Variants in CDH3 observed in about 807,000 individuals in gnomAD.
The protein encoded by CDH3 is cadherin 3.
In CDH3, 54 loss-of-function variants were observed where a neutral mutation model predicts 82.0. That is an observed-to-expected ratio of 0.66 (90% CI 0.53 to 0.83). The LOEUF is 0.83. Among genes scored for constraint, CDH3 ranks in the 40% least tolerant of loss-of-function variants. CDH3 has a pLI of 0.00. For synonymous variants in CDH3, 446 were observed against 437.9 expected, an observed-to-expected ratio of 1.02 and a Z score of -0.23; for missense variants, 1,054 against 1,084.6, an observed-to-expected ratio of 0.97 and a Z score of 0.40.
intron 9 of CDH3, 148 bp from the exon 10 acceptor site, chr16:68,684,435 G>C: frequency 1.1e-6 from 1 of 903,068 alleles, no homozygotes; most frequent in Admixed American, 1.7e-5. Flanking sequence ...ACACGGGAGT[G>C]TTTATGTTAC....
At chr16:68,682,875 A>G (rs1334223383) in intron 9 of CDH3, among the ~76,000 whole-genome samples, 1 of 152,016 alleles carries the variant, frequency 6.6e-6, no homozygotes, top group African/African-American at 2.4e-5. Context: ...ACTGAGGCAC[A>G]CTCTTGCCTC....
At position 68,695,492 on chromosome 16, in the gene CDH3, G is replaced by T. The variant is rs1597820514; in HGVS notation, c.2133+107G>T. The T allele has an allele frequency of 2.7e-6, 3 of 1,127,242 alleles. No homozygotes were observed. In the East Asian group the frequency reaches 7.7e-5, roughly 29 times the overall value. The allele number at this position is 1,127,242 out of a possible 1,614,324, so 69.8% of individuals were successfully genotyped here. ...AGTTAGCTGTGTTGACCAGGCCCTGGCATGAAGCATGCGTCTTCCTTTTCT... is the reference window on the plus strand; with the variant it reads ...AGTTAGCTGTGTTGACCAGGCCCTGTCATGAAGCATGCGTCTTCCTTTTCT... On this transcript the variant is annotated intron_variant, in intron 14 of 15. Transcript: ENST00000264012.
downstream of CDH3, among the ~76,000 whole-genome samples, chr16:68,731,113 A>G (rs949648947): frequency 1.4e-4 from 18 of 129,844 alleles, no homozygotes; most frequent in African/African-American, 5.1e-4. Flanking sequence ...AAATACATAT[A>G]TAATTATAAA....
In CDH3 at chr16:68,698,432, TC is replaced by T; in HGVS notation, c.*33del. 1.3e-6 allele frequency: 2 copies of T among 1,598,204 alleles called. No homozygotes were observed. Among genetic ancestry groups the T allele is most frequent in the Non-Finnish European group, 1.7e-6 (2 of 1,166,596 alleles). On this transcript the variant is annotated 3_prime_UTR_variant, in exon 16 of 16. Transcript: ENST00000264012. ...TGCCTGCAGGGCTGGGGACCAAACG[TC>T]AGGCCACAGAGCATCTCCAAGGGGT...
At chr16:68,712,395 C>T (rs2152110235) in intron 1 of CDH3, among the ~76,000 whole-genome samples, 1 of 151,996 alleles carries the variant, frequency 6.6e-6, no homozygotes, top group South Asian at 2.1e-4. Flanking sequence ...AGCAGAATTT[C>T]AAAAGAAAAT....
At chr16:68,668,632 C>T (rs1202919154) in intron 2 of CDH3, among the ~76,000 whole-genome samples, 1 of 152,182 alleles carries the variant, frequency 6.6e-6, no homozygotes, top group Non-Finnish European at 1.5e-5. Context: ...CACAGAGGAC[C>T]CCTACAAAAC....
In CDH3 at chr16:68,695,800, C is replaced by T. The variant is rs1362334946; in HGVS notation, c.2157C>T (p.His719=). 6.2e-7 allele frequency: 1 copy of T among 1,614,204 alleles called. No homozygotes were observed. Among genetic ancestry groups the T allele is most frequent in the South Asian group, 1.1e-5 (1 of 91,088 alleles). The part of the protein sequence containing the change: ...EDQDYDITQL[H]RGLEARPEVV... ...AGGACTATGACATCACCCAGCTCCA[C>T]CGAGGTCTGGAGGCCAGGCCGGAGG... Residue 719 remains histidine, a synonymous_variant, in exon 15 of 16, where the codon CAC becomes CAT. Transcript: ENST00000264012.
At chr16:68,670,697 A>G (rs149566323) in intron 2 of CDH3, among the ~76,000 whole-genome samples, 4 of 152,346 alleles carry the variant, frequency 2.6e-5, no homozygotes, top group African/African-American at 9.6e-5. Flanking sequence ...TAATAAGTTA[A>G]TTCAAGTTCT....
rs773232512 is a variant in CDH3 at position 68,645,471 on chromosome 16, G to C, written c.45+47G>C. 5 of 1,599,488 alleles carry C rather than the reference G, an allele frequency of 3.1e-6. No individual in the cohort carries two copies. The African/African-American group carries it at 5.4e-5, about 17-fold the overall frequency. ...GCCCCGACCGGGACCGCTCCCTGGG[G>C]GGCGGGCGGGGTCCGCATGGGGCAG... On this transcript the variant is annotated intron_variant, in intron 1 of 15. Coordinates refer to ENST00000264012, the MANE Select transcript of CDH3 (RefSeq NM_001793.6).
chr16:68,666,872 TG>T (rs1597799237), intron 2 of CDH3, among the ~76,000 whole-genome samples: 1 of 152,150 alleles, frequency 6.6e-6, no homozygotes, highest in African/African-American at 2.4e-5. Context: ...TTAACTGTTC[TG>T]TTGAGAGTTA....
At chr16:68,704,979 T>C (rs1961942852), downstream of CDH3, among the ~76,000 whole-genome samples, 1 of 152,084 alleles carries the variant, frequency 6.6e-6, no homozygotes, top group African/African-American at 2.4e-5. Flanking sequence ...GGAGGATCCC[T>C]TGAGCCTAGG....
At chr16:68,714,781 C>T (rs769345549) in intron 1 of CDH3, among the ~76,000 whole-genome samples, 3 of 152,260 alleles carry the variant, frequency 2.0e-5, no homozygotes, top group East Asian at 1.9e-4. Flanking sequence ...CTTTGGGAAG[C>T]GGAGGCAGGA....
downstream of CDH3, among the ~76,000 whole-genome samples, chr16:68,700,982 CTT>C (rs1175597965): frequency 6.6e-6 from 1 of 152,198 alleles, no homozygotes; most frequent in Admixed American, 6.5e-5. Flanking sequence ...CCAGGGCTGT[CTT>C]TGCTGACAGG....
intron 2 of CDH3, 45 bp from the exon 3 acceptor site, chr16:68,676,340 G>C (rs1352455987): frequency 7.0e-7 from 1 of 1,431,696 alleles, no homozygotes; most frequent in Non-Finnish European, 9.9e-7. Context: ...GCAACTTCCA[G>C]AATACTCCTG....
chr16:68,695,837 A>C lies in CDH3; in HGVS notation c.2194A>C (p.Asn732His). The C allele has an allele frequency of 6.2e-7, 1 of 1,614,016 alleles. No homozygotes were observed. ...GGCCAGGCCGGAGGTGGTTCTCCGC[A>C]ATGACGTGGCACCAACCATCATCCC... ...LEARPEVVLR[N>H]DVAPTIIPTP... is the part of the protein sequence containing the mutation. The change falls in exon 15 of 16, where the codon AAT becomes CAT. Residue 732 changes from asparagine (N) to histidine (H), a missense_variant. Physicochemically the swap from Asn to His is moderately conservative, Grantham distance 68. Transcript: ENST00000264012.
At position 68,658,845 on chromosome 16, in the gene CDH3, AGTTTGCAAGCT is replaced by A. The variant is rs544686672; in HGVS notation, c.160+13096_160+13106del. 9.2e-5 allele frequency among the ~76,000 whole-genome samples: 14 copies of A among 152,218 alleles called. No individual in the cohort carries two copies. In the Middle Eastern group the frequency reaches 0.01, roughly 111 times the overall value. On this transcript the variant is annotated intron_variant, in intron 2 of 15. Transcript: ENST00000264012. ...CCCTGCTTTTGGCCTCTGAGTCAGT[AGTTTGCAAGCT>A]TGGCTGGTGATCAAATTGCCTGGGG...
chr16:68,692,113 T>G (rs1391864920), intron 13 of CDH3, among the ~76,000 whole-genome samples, 187 bp downstream of exon 13: 8 of 152,134 alleles, frequency 5.3e-5, no homozygotes, highest in Admixed American at 5.2e-4. Context: ...CTCGGCTCAT[T>G]GCAACTTCTG....
rs1436852217 is a variant in CDH3 at position 68,710,038 on chromosome 16, C to A, written c.100-12387C>A. ...TCCCTTCTTCCCGCTGCTCTGCAAC[C>A]AGGAGGCAGCCCTAGCTGCCCTGTG... is the stretch of plus-strand genomic sequence containing the variant. On this transcript the variant is annotated intron_variant, in intron 1 of 2. Coordinates refer to the CDH3 transcript ENST00000569080. Among the ~76,000 whole-genome samples the A allele has an allele frequency of 2.0e-5, 3 of 152,240 alleles. No individual in the cohort carries two copies. In the East Asian group the frequency reaches 5.8e-4, roughly 29 times the overall value.
downstream of CDH3, among the ~76,000 whole-genome samples, chr16:68,700,461 G>A (rs1961874534): frequency 6.6e-6 from 1 of 152,218 alleles, no homozygotes; most frequent in Admixed American, 6.5e-5. Context: ...TCTGAAGGAT[G>A]AGGCCAAGGA....
Sources: allele counts gnomAD v4.1 joint callset (sites outside exome capture counted in the v4.1 genomes callset), GRCh38; gene constraint gnomAD v4.1.1; transcripts MANE v1.5; gene names NCBI Gene and HGNC (gene_info 2026-07-23, HGNC 2026-07-21).